Variants in BAZ2B observed in about 807,000 individuals in gnomAD.
BAZ2B encodes the protein bromodomain adjacent to zinc finger domain 2B.
In BAZ2B, 91 loss-of-function variants were observed where a neutral mutation model predicts 246.0. That is an observed-to-expected ratio of 0.37 (90% confidence interval 0.31 to 0.44). The LOEUF (loss-of-function observed/expected upper bound fraction) is 0.44, where lower values mean the gene tolerates loss of function less well. Ranked by LOEUF, BAZ2B falls within the 20% of genes least tolerant of loss-of-function variation. BAZ2B has a pLI of 1.00. For missense variants in BAZ2B, 2,332 were observed against 2,533.7 expected, an observed-to-expected ratio of 0.92 and a Z score of 1.71; for synonymous variants, 855 against 860.0, an observed-to-expected ratio of 0.99 and a Z score of 0.10.
intron 34 of BAZ2B, among the ~76,000 whole-genome samples, chr2:159,330,400 A>G (rs1575659841): frequency 6.6e-6 from 1 of 152,226 alleles, no homozygotes. Flanking sequence ...TTAGAAGTCA[A>G]GTGAAAATCA....
the BAZ2B span, among the ~76,000 whole-genome samples, chr2:159,650,601 T>C: frequency 2.0e-5 from 3 of 152,170 alleles, no homozygotes; most frequent in African/African-American, 7.2e-5. Flanking sequence ...GGTAGCTCCC[T>C]CATATTCATA....
At chr2:159,389,030 G>A (rs1218289257) in intron 21 of BAZ2B, among the ~76,000 whole-genome samples, 1 of 152,058 alleles carries the variant, frequency 6.6e-6, no homozygotes, top group Non-Finnish European at 1.5e-5. Context: ...AGGCTTCAGT[G>A]AGCTATAATC....
At chr2:159,612,432 T>TA (rs1445364167) in intron 1 of BAZ2B, among the ~76,000 whole-genome samples, 1 of 152,148 alleles carries the variant, frequency 6.6e-6, no homozygotes, top group African/African-American at 2.4e-5. Flanking sequence ...CTTGATGACG[T>TA]AATTCCTCTT....
chr2:159,609,052 C>G (rs1304560891), intron 1 of BAZ2B, among the ~76,000 whole-genome samples: 1 of 152,168 alleles, frequency 6.6e-6, no homozygotes, highest in East Asian at 1.9e-4. Context: ...GCACAGCTCC[C>G]TGTGATTCCT....
the BAZ2B span, among the ~76,000 whole-genome samples, chr2:159,671,168 T>C: frequency 1.3e-5 from 2 of 152,322 alleles, no homozygotes; most frequent in Non-Finnish European, 2.9e-5. Context: ...TCAGGTCAAA[T>C]ACATTGATCC....
chr2:159,486,835 A>G (rs139295315), intron 2 of BAZ2B, among the ~76,000 whole-genome samples: 37 of 152,228 alleles, frequency 2.4e-4, no homozygotes, highest in Non-Finnish European at 4.4e-4. Flanking sequence ...CTAGATTACT[A>G]TGCAGGTGTT....
At chr2:159,379,419 A>T (rs1191323267) in intron 25 of BAZ2B, among the ~76,000 whole-genome samples, 1 of 152,116 alleles carries the variant, frequency 6.6e-6, no homozygotes, top group Non-Finnish European at 1.5e-5. Context: ...CTGTTGTACA[A>T]CCTCATGCCC....
At chr2:159,444,046 A>T (rs1343866876) in intron 6 of BAZ2B, 1 of 152,204 alleles carries the variant, frequency 6.6e-6, no homozygotes, top group African/African-American at 2.4e-5. Flanking sequence ...GCATCCAATG[A>T]TATGATGTCT....
chr2:159,494,204 G>A (rs1417083272), intron 2 of BAZ2B, among the ~76,000 whole-genome samples: 6 of 152,066 alleles, frequency 3.9e-5, no homozygotes. Flanking sequence ...CCCAGTTACA[G>A]CAATATTTTT....
intron 2 of BAZ2B, among the ~76,000 whole-genome samples, chr2:159,491,901 C>A (rs892917444): frequency 2.6e-5 from 4 of 151,930 alleles, no homozygotes; most frequent in African/African-American, 9.7e-5. Context: ...TGAAGATAGT[C>A]ATTATTACCA....
chr2:159,320,331 G>T lies in BAZ2B; in HGVS notation c.6441C>A (p.Gly2147=). The change falls in exon 37 of 37, where the codon GGC becomes GGA. Residue 2147 remains glycine, a synonymous_variant. Coordinates refer to ENST00000392783, the MANE Select transcript of BAZ2B (RefSeq NM_013450.4). ...ETFNEDDSDI[G]RAGHNMRKYF... is the part of the protein sequence containing the mutation. ...ACTTCCTCATATTGTGGCCAGCTCT[G>T]CCTATATCAGAATCATCTTCATTAA... is the stretch of plus-strand genomic sequence containing the variant. 6.3e-7 allele frequency: 1 copy of T among 1,581,826 alleles called. No homozygotes were observed.
the BAZ2B span, among the ~76,000 whole-genome samples, chr2:159,636,986 G>A: frequency 6.6e-6 from 1 of 152,258 alleles, no homozygotes; most frequent in African/African-American, 2.4e-5. Context: ...CCTAGTCCTG[G>A]GAAGATTCAT....
intron 34 of BAZ2B, among the ~76,000 whole-genome samples, chr2:159,326,265 C>A (rs56295908): frequency 0.015 from 2,339 of 151,794 alleles, 52 homozygotes; most frequent in African/African-American, 0.052. Flanking sequence ...TGGAGCACAA[C>A]AGAATTAGGA....
chr2:159,548,969 A>G (rs1314952310), intron 2 of BAZ2B, among the ~76,000 whole-genome samples: 1 of 152,148 alleles, frequency 6.6e-6, no homozygotes, highest in Admixed American at 6.6e-5. Flanking sequence ...TACTTCCTCA[A>G]ATGTTATATT....
At chr2:159,699,521 A>G in the BAZ2B span, among the ~76,000 whole-genome samples, 1 of 152,124 alleles carries the variant, frequency 6.6e-6, no homozygotes, top group Non-Finnish European at 1.5e-5. Context: ...TAGGTGACAG[A>G]GCAAGACCCT....
rs1558959778 is a variant in BAZ2B, at chr2:159,328,069, C to CA, written c.5944-2152_5944-2151insT. On this transcript the variant is annotated intron_variant, in intron 34 of 36. Coordinates refer to ENST00000392783, the MANE Select transcript of BAZ2B (RefSeq NM_013450.4). ...GATGGAATGAGACTCAGCCTCAAAA[C>CA]GAAAAAAAAAAAAAAAAAAAAAGAA... 2.2e-3 allele frequency among the ~76,000 whole-genome samples: 240 copies of CA among 111,502 alleles called. 2 individuals are homozygous for CA. Among genetic ancestry groups the CA allele is most frequent in the East Asian group, 3.6e-3 (14 of 3,896 alleles). The allele number at this position is 111,502 out of a possible 152,430, so 73.1% of individuals were successfully genotyped here. A position where few individuals can be genotyped will look rare whatever the true frequency, so the allele number is the denominator to read the frequency against.
At chr2:159,604,932 T>TTG (rs144735173) in intron 1 of BAZ2B, among the ~76,000 whole-genome samples, 157 of 123,372 alleles carry the variant, frequency 1.3e-3, no homozygotes, top group Middle Eastern at 3.8e-3. Context: ...TTAATATATT[T>TTG]TGTGTGTGTG....
intron 1 of BAZ2B, among the ~76,000 whole-genome samples, chr2:159,613,993 CTTTT>C (rs966037712): frequency 6.6e-6 from 1 of 152,230 alleles, no homozygotes; most frequent in South Asian, 2.1e-4. Flanking sequence ...TTTCTATTAG[CTTTT>C]TTTAAGTTAA....
chr2:159,623,954 C>A, the BAZ2B span, among the ~76,000 whole-genome samples: 71,244 of 152,078 alleles, frequency 0.47, 17,167 homozygotes, highest in East Asian at 0.6. Context: ...GCTTGAAATT[C>A]TTGGTGCCAG....
Sources: gnomAD v4.1 joint callset for allele counts (sites outside exome capture counted in the v4.1 genomes callset) on GRCh38, gnomAD v4.1.1 for gene constraint, MANE v1.5 for transcripts, NCBI Gene and HGNC (gene_info 2026-07-23, HGNC 2026-07-21) for gene names.